The following RPS6KC1 variants were observed in gnomAD, a reference collection of about 807,000 sequenced individuals.
The protein encoded by RPS6KC1 is ribosomal protein S6 kinase C1.
Under a neutral mutation model 103.8 loss-of-function variants are expected in RPS6KC1, and 54 were observed. That is an observed-to-expected ratio of 0.52 (90% CI 0.42 to 0.65). RPS6KC1 has a LOEUF of 0.65. Ranked by LOEUF, RPS6KC1 falls within the 30% of genes least tolerant of loss-of-function variation. The pLI is 0.00. For missense variants in RPS6KC1, 1,151 were observed against 1,253.8 expected, an observed-to-expected ratio of 0.92 and a Z score of 1.24; for synonymous variants, 439 against 438.7, an observed-to-expected ratio of 1.00 and a Z score of -0.01.
At chr1:213,141,783 A>G (rs982892838) in intron 6 of RPS6KC1, among the ~76,000 whole-genome samples, 1 of 150,228 alleles carries the variant, frequency 6.7e-6, no homozygotes, top group African/African-American at 2.4e-5. Flanking sequence ...TACTCTTAAC[A>G]CTGCTTTAGC....
intron 8 of RPS6KC1, among the ~76,000 whole-genome samples, chr1:213,218,407 G>A (rs1387426373): frequency 1.3e-5 from 2 of 151,960 alleles, no homozygotes; most frequent in African/African-American, 4.8e-5. Context: ...CATGCTCATG[G>A]GTAGGAAGAA....
the RPS6KC1 span, among the ~76,000 whole-genome samples, chr1:213,718,989 G>T: frequency 6.6e-6 from 1 of 152,348 alleles, no homozygotes; most frequent in Non-Finnish European, 1.5e-5. Context: ...TCCCTGACTT[G>T]TAGAGAAAAC....
chr1:213,522,650 C>T, the RPS6KC1 span, among the ~76,000 whole-genome samples: 4 of 152,254 alleles, frequency 2.6e-5, no homozygotes, highest in African/African-American at 9.6e-5. Flanking sequence ...TAACTTGCCA[C>T]AGCTTCTAAC....
At chr1:213,333,615 C>A in the RPS6KC1 span, among the ~76,000 whole-genome samples, 1 of 152,082 alleles carries the variant, frequency 6.6e-6, no homozygotes, top group South Asian at 2.1e-4. Context: ...TGTTGCAGGT[C>A]AGGGACATTT....
At chr1:213,700,528 G>A in the RPS6KC1 span, among the ~76,000 whole-genome samples, 1 of 151,616 alleles carries the variant, frequency 6.6e-6, no homozygotes, top group Non-Finnish European at 1.5e-5. Context: ...GATGACTTTG[G>A]CTATTCTGGG....
the RPS6KC1 span, among the ~76,000 whole-genome samples, chr1:213,569,575 T>C: frequency 6.7e-6 from 1 of 149,676 alleles, no homozygotes; most frequent in African/African-American, 2.5e-5. Flanking sequence ...AGCAAGCTAT[T>C]TTTTTTTTCA....
At chr1:213,440,362 G>A in the RPS6KC1 span, among the ~76,000 whole-genome samples, 1 of 152,102 alleles carries the variant, frequency 6.6e-6, no homozygotes, top group Non-Finnish European at 1.5e-5. Context: ...AAATGAGGAG[G>A]TGGATGTGAA....
At chr1:213,504,733 T>C in the RPS6KC1 span, among the ~76,000 whole-genome samples, 1 of 152,236 alleles carries the variant, frequency 6.6e-6, no homozygotes, top group Non-Finnish European at 1.5e-5. Flanking sequence ...TTTGGAAAAT[T>C]TGATGCCAGT....
At chr1:213,218,310 C>A (rs1323409077) in intron 8 of RPS6KC1, among the ~76,000 whole-genome samples, 1 of 152,054 alleles carries the variant, frequency 6.6e-6, no homozygotes, top group Non-Finnish European at 1.5e-5. Flanking sequence ...ATCCAACTTA[C>A]AAGGGACGTG....
At chr1:213,544,446 T>G in the RPS6KC1 span, among the ~76,000 whole-genome samples, 1 of 152,158 alleles carries the variant, frequency 6.6e-6, no homozygotes, top group Non-Finnish European at 1.5e-5. Flanking sequence ...TAAGCAAAAA[T>G]AAAACCCTAG....
chr1:213,304,894 C>T, the RPS6KC1 span, among the ~76,000 whole-genome samples: 33 of 152,320 alleles, frequency 2.2e-4, no homozygotes, highest in Middle Eastern at 0.014. Flanking sequence ...CCATGTGCCA[C>T]TAAACATTCT....
the RPS6KC1 span, among the ~76,000 whole-genome samples, chr1:213,600,867 A>G: frequency 6.6e-6 from 1 of 152,270 alleles, no homozygotes; most frequent in Middle Eastern, 3.2e-3. Context: ...GTGAATGAAC[A>G]AATAAATAAG....
At chr1:213,790,425 A>T in the RPS6KC1 span, among the ~76,000 whole-genome samples, 3 of 152,164 alleles carry the variant, frequency 2.0e-5, no homozygotes, top group Non-Finnish European at 4.4e-5. Context: ...GAGTACACAT[A>T]GTCCTTGTTC....
the RPS6KC1 span, among the ~76,000 whole-genome samples, chr1:213,662,490 T>G: frequency 2.7e-5 from 4 of 150,730 alleles, no homozygotes; most frequent in Non-Finnish European, 5.9e-5. Context: ...TGGGCCATTC[T>G]GGGTCTTGAA....
the RPS6KC1 span, among the ~76,000 whole-genome samples, chr1:213,659,409 C>T: frequency 2.0e-5 from 3 of 152,160 alleles, no homozygotes; most frequent in Admixed American, 1.3e-4. Context: ...AGAACATTTT[C>T]CAATGCTATA....
chr1:213,737,171 C>A, the RPS6KC1 span, among the ~76,000 whole-genome samples: 3 of 152,210 alleles, frequency 2.0e-5, no homozygotes, highest in Non-Finnish European at 4.4e-5. Flanking sequence ...AACTTAGGGG[C>A]AGAATTCAGC....
At chr1:213,377,430 T>C in the RPS6KC1 span, among the ~76,000 whole-genome samples, 3 of 152,222 alleles carry the variant, frequency 2.0e-5, no homozygotes, top group Non-Finnish European at 2.9e-5. Flanking sequence ...GCTGCTCTAT[T>C]GTTTCAGGTG....
intron 6 of RPS6KC1, among the ~76,000 whole-genome samples, chr1:213,157,718 C>T (rs967055302): frequency 1.3e-5 from 2 of 151,812 alleles, no homozygotes; most frequent in Non-Finnish European, 2.9e-5. Context: ...TAATACTGCT[C>T]AAGTTTTCTA....
intron 1 of RPS6KC1, 59 bp from the exon 2 acceptor site, chr1:213,070,947 A>G: frequency 9.5e-7 from 1 of 1,054,780 alleles, no homozygotes; most frequent in East Asian, 2.7e-5. Context: ...TTAATTATAC[A>G]AATATGAAAT....
Sources: gnomAD v4.1 joint callset for allele counts (sites outside exome capture counted in the v4.1 genomes callset) on GRCh38, gnomAD v4.1.1 for gene constraint, MANE v1.5 for transcripts, NCBI Gene and HGNC (gene_info 2026-07-23, HGNC 2026-07-21) for gene names.